Variants in NDRG1 observed in about 807,000 individuals in gnomAD.
The protein encoded by NDRG1 is N-myc downstream regulated 1.
A neutral mutation model predicts 56.9 loss-of-function variants in NDRG1; 32 were observed. That is an observed-to-expected ratio of 0.56 (90% CI 0.42 to 0.76). The LOEUF (loss-of-function observed/expected upper bound fraction) is 0.76. Ranked by LOEUF, NDRG1 falls within the 30% of genes least tolerant of loss-of-function variation. The pLI is 0.00. For missense variants in NDRG1, 507 were observed against 545.7 expected (o/e 0.93, Z 0.71); for synonymous variants, 211 against 204.1 (o/e 1.03, Z -0.29).
At chr8:133,251,161 A>T (rs1856013525) in intron 9 of NDRG1, among the ~76,000 whole-genome samples, 1 of 152,220 alleles carries the variant, frequency 6.6e-6, no homozygotes, top group Admixed American at 6.5e-5. Flanking sequence ...GCCTTGGGGA[A>T]GTCGGCCTCA....
rs527867012 is a variant in NDRG1, at chr8:133,246,993, T to TC, written c.808-331dup. Among the ~76,000 whole-genome samples the TC allele has an allele frequency of 1.5e-4, 23 of 152,330 alleles. No homozygotes were observed. In the East Asian group the frequency reaches 4.2e-3, roughly 28 times the overall value. On this transcript the variant is annotated intron_variant, in intron 12 of 15. Coordinates refer to ENST00000323851, the MANE Select transcript of NDRG1 (RefSeq NM_006096.4). ...TGTAGAAATACCTGCTAAATAAATATCCTTGTTTAACCAGCAGCTGCCAGA... is the reference window on the plus strand; with the variant it reads ...TGTAGAAATACCTGCTAAATAAATATCCCTTGTTTAACCAGCAGCTGCCAGA...
At position 133,280,299 on chromosome 8, in the gene NDRG1, ATC is replaced by A. The variant is rs753858471; in HGVS notation, c.64-34_64-33del. The A allele has an allele frequency of 2.7e-5, 44 of 1,609,936 alleles. No homozygotes were observed. In the African/African-American group the frequency reaches 4.4e-4, roughly 16 times the overall value. On this transcript the variant is annotated intron_variant, in intron 2 of 15. Coordinates refer to ENST00000323851, the MANE Select transcript of NDRG1 (RefSeq NM_006096.4). ...AAAGACAAAAAAAATTGTCAATTTC[ATC>A]TGTTTTCTCTGTAAGAGAAATAATA...
At chr8:133,275,399 C>T (rs539039989) in intron 3 of NDRG1, among the ~76,000 whole-genome samples, 14 of 152,324 alleles carry the variant, frequency 9.2e-5, no homozygotes, top group African/African-American at 3.1e-4. Flanking sequence ...TAACAGCTTA[C>T]AGGAATAACA....
chr8:133,242,002 C>T (rs745888436), intron 15 of NDRG1, 21 bp downstream of exon 15: 2 of 1,614,044 alleles, frequency 1.2e-6, no homozygotes, highest in Admixed American at 1.7e-5. Flanking sequence ...ACCCACTGCA[C>T]ACGGGGAATG....
intron 9 of NDRG1, 54 bp from the exon 10 acceptor site, chr8:133,250,597 G>T: frequency 7.2e-7 from 1 of 1,384,590 alleles, no homozygotes; most frequent in Admixed American, 1.7e-5. Context: ...CCCTGAGCTG[G>T]TCACTACTCT....
intron 3 of NDRG1, among the ~76,000 whole-genome samples, chr8:133,274,841 G>A (rs1170429574): frequency 1.3e-5 from 2 of 152,120 alleles, no homozygotes; most frequent in African/African-American, 4.8e-5. Context: ...CACAGCTGCC[G>A]CCCCTGGGAA....
chr8:133,248,445 T>C (rs1855817288), intron 11 of NDRG1, among the ~76,000 whole-genome samples: 1 of 152,202 alleles, frequency 6.6e-6, no homozygotes, highest in Admixed American at 6.5e-5. Flanking sequence ...ATTGATGTAG[T>C]AGGTGCTTAA....
intron 3 of NDRG1, 100 bp downstream of exon 3, chr8:133,280,132 C>T (rs1027385550): frequency 9.0e-6 from 13 of 1,445,100 alleles, no homozygotes; most frequent in Admixed American, 5.5e-5. Flanking sequence ...TCCCCTTGCC[C>T]GCAATGTTTG....
At chr8:133,255,338 A>G (rs767755234) in intron 8 of NDRG1, 2 of 456,322 alleles carry the variant, frequency 4.4e-6, no homozygotes, top group South Asian at 3.1e-5. Context: ...GGTCAAGGGA[A>G]GGACTGCAAG....
chr8:133,241,855 G>C, intron 15 of NDRG1, 168 bp downstream of exon 15: 1 of 733,246 alleles, frequency 1.4e-6, no homozygotes, highest in Non-Finnish European at 2.4e-6. Flanking sequence ...TGAGAGGCTA[G>C]ATCCTCCAGG....
At chr8:133,254,465 T>C in intron 9 of NDRG1, 74 bp downstream of exon 9, 1 of 1,524,778 alleles carries the variant, frequency 6.6e-7, no homozygotes, top group Non-Finnish European at 9.1e-7. Flanking sequence ...CACCCCCACA[T>C]GGGGCCCTGT....
At chr8:133,278,083 G>A (rs1027099779) in intron 3 of NDRG1, among the ~76,000 whole-genome samples, 13 of 152,198 alleles carry the variant, frequency 8.5e-5, no homozygotes, top group African/African-American at 3.1e-4. Context: ...CAGCCACAGG[G>A]AAGGTTGGCA....
At chr8:133,287,642 G>A (rs769411643) in intron 1 of NDRG1, among the ~76,000 whole-genome samples, 1 of 152,180 alleles carries the variant, frequency 6.6e-6, no homozygotes, top group Non-Finnish European at 1.5e-5. Context: ...TGTGCCTCCT[G>A]GACAGAGATC....
chr8:133,283,480 G>A (rs759708240), intron 2 of NDRG1, among the ~76,000 whole-genome samples: 1 of 149,006 alleles, frequency 6.7e-6, no homozygotes, highest in African/African-American at 2.6e-5. Flanking sequence ...AATCAGCCCA[G>A]GCTGGGCCCT....
rs1856540833 is a variant in NDRG1 at position 133,259,236 on chromosome 8, G to A, written c.327-6C>T. The A allele has an allele frequency of 1.9e-6, 3 of 1,614,116 alleles. No homozygotes were observed. The highest frequency in any genetic ancestry group is 1.3e-5 in the African/African-American group (1 of 75,054). ...CCATGGAGGGGTACATGTACCTGGG[G>A]ATGACACAGAGAAGCCATTAGTGAG... On this transcript the variant is annotated splice_region_variant and splice_polypyrimidine_tract_variant and intron_variant, in intron 5 of 15. Coordinates refer to ENST00000323851, the MANE Select transcript of NDRG1 (RefSeq NM_006096.4).
chr8:133,254,534 C>G lies in NDRG1; in HGVS notation c.594+5G>C. 1.2e-6 allele frequency: 2 copies of G among 1,614,066 alleles called. No homozygotes were observed. The highest frequency in any genetic ancestry group is 1.7e-6 in the Non-Finnish European group (2 of 1,179,954). ...ACAACAGATTTGCCAGACCACGCAA[C>G]TCACCTTCCCAAAAAGGTGGGACAC... is the stretch of plus-strand genomic sequence containing the variant. On this transcript the variant is annotated splice_donor_5th_base_variant and intron_variant, in intron 9 of 15. Coordinates refer to ENST00000323851, the MANE Select transcript of NDRG1 (RefSeq NM_006096.4).
At chr8:133,267,352 G>A (rs1305944807) in intron 3 of NDRG1, among the ~76,000 whole-genome samples, 1 of 152,168 alleles carries the variant, frequency 6.6e-6, no homozygotes, top group Non-Finnish European at 1.5e-5. Flanking sequence ...AAGAGGCACT[G>A]TACAGGGCCA....
At chr8:133,275,003 A>C (rs1857383461) in intron 3 of NDRG1, among the ~76,000 whole-genome samples, 1 of 151,976 alleles carries the variant, frequency 6.6e-6, no homozygotes, top group Admixed American at 6.6e-5. Context: ...CTTTGCTGCA[A>C]CTCCCATGTG....
At chr8:133,293,158 C>T (rs888832447) in intron 1 of NDRG1, among the ~76,000 whole-genome samples, 2 of 152,224 alleles carry the variant, frequency 1.3e-5, no homozygotes, top group Admixed American at 6.5e-5. Flanking sequence ...CTGCAGCCGC[C>T]TTCCTGTGGG....
Sources: gnomAD v4.1 joint callset for allele counts (sites outside exome capture counted in the v4.1 genomes callset) on GRCh38, gnomAD v4.1.1 for gene constraint, MANE v1.5 for transcripts, NCBI Gene and HGNC (gene_info 2026-07-23, HGNC 2026-07-21) for gene names.